The following ZNF623 variants were observed in gnomAD, a reference collection of about 807,000 sequenced individuals.
ZNF623 encodes zinc finger protein 623.
A neutral mutation model predicts 24.0 loss-of-function variants in ZNF623; 16 were observed. The observed-to-expected ratio is 0.67, with a 90% CI of 0.45 to 1.01. The LOEUF (loss-of-function observed/expected upper bound fraction) is 1.01. ZNF623 is among the 50% of genes least tolerant of loss of function. The pLI is 0.00. For missense variants in ZNF623, 566 were observed against 606.5 expected (o/e 0.93, Z 0.70); for synonymous variants, 224 against 219.8 (o/e 1.02, Z -0.17).
In ZNF623 at chr8:143,651,249, T is replaced by C. The variant is rs528122005; in HGVS notation, c.1257T>C (p.Tyr419=). 1.9e-5 allele frequency: 30 copies of C among 1,614,220 alleles called. No homozygotes were observed. The South Asian group carries it at 3.3e-4, about 18-fold the overall frequency. ...HQIIHTGEKP[Y]VCSYCGKGFI... The stretch of plus-strand genomic sequence containing the variant: ...TTATTCACACTGGAGAAAAGCCCTA[T>C]GTGTGCAGTTATTGTGGGAAAGGCT... The change falls in exon 2 of 2, where the codon TAT becomes TAC. Residue 419 remains tyrosine (Y), a synonymous_variant. Transcript: ENST00000526926.
intron 1 of ZNF623, among the ~76,000 whole-genome samples, chr8:143,645,422 A>C (rs1587328980): frequency 9.8e-6 from 1 of 101,704 alleles, no homozygotes; most frequent in African/African-American, 2.8e-5. Context: ...ACAGATCGAG[A>C]CTCCATCTCA....
chr8:143,638,849 A>T (rs909047989), intron 1 of ZNF623, among the ~76,000 whole-genome samples: 6 of 152,184 alleles, frequency 3.9e-5, no homozygotes, highest in African/African-American at 1.2e-4. Flanking sequence ...GAAGGTATCA[A>T]CTGAGTTCCA....
chr8:143,640,111 A>G (rs930089049), intron 1 of ZNF623, among the ~76,000 whole-genome samples: 4 of 152,248 alleles, frequency 2.6e-5, no homozygotes, highest in Admixed American at 6.5e-5. Context: ...ACTGCAATAA[A>G]GTGAATAGCA....
In ZNF623 at chr8:143,649,906, G is replaced by A. The variant is rs1815255597; in HGVS notation, c.-87G>A. 2 of 1,608,032 alleles carry A rather than the reference G, an allele frequency of 1.2e-6. No individual in the cohort carries two copies. The highest frequency in any genetic ancestry group is 3.4e-5 in the Admixed American group (2 of 59,370). On this transcript the variant is annotated 5_prime_UTR_variant, in exon 2 of 2. An upstream start codon of the reference 5' UTR is lost. Transcript: ENST00000526926. ...GTTGTCTTTTGTTTCAGATTCTAAT[G>A]TAGGAACTGGTGAGAAGAAGGTGAC...
chr8:143,636,883 C>T (rs1052810477), intron 1 of ZNF623, among the ~76,000 whole-genome samples: 12 of 152,220 alleles, frequency 7.9e-5, no homozygotes, highest in Non-Finnish European at 1.2e-4. Context: ...CAGGCTACGT[C>T]ATGGTCCAGG....
intron 1 of ZNF623, among the ~76,000 whole-genome samples, chr8:143,639,798 C>G (rs1815010069): frequency 6.6e-6 from 1 of 152,206 alleles, no homozygotes; most frequent in African/African-American, 2.4e-5. Context: ...CTTATTCTCT[C>G]TTAAAGGTAG....
At chr8:143,636,479 T>TG (rs1814925332) in intron 1 of ZNF623, 1 of 152,552 alleles carries the variant, frequency 6.6e-6, no homozygotes, top group Non-Finnish European at 1.5e-5. Context: ...GCCGCGGGCT[T>TG]GAGTGTCCGT....
Position 143,649,889 on chromosome 8 carries a change from T to C in ZNF623, c.-95-9T>C. ...AGGGGAAAGATGATTTTGTTGTCTT[T>C]TGTTTCAGATTCTAATGTAGGAACT... On this transcript the variant is annotated splice_polypyrimidine_tract_variant and intron_variant, in intron 1 of 1. Coordinates refer to ENST00000526926, the MANE Select transcript of ZNF623 (RefSeq NM_001261843.2). 1 of 1,601,164 alleles carries C rather than the reference T, an allele frequency of 6.2e-7. No individual in the cohort carries two copies. The highest frequency in any genetic ancestry group is 8.5e-7 in the Non-Finnish European group (1 of 1,170,434).
intron 1 of ZNF623, among the ~76,000 whole-genome samples, chr8:143,642,653 A>C (rs1387197610): frequency 6.6e-6 from 1 of 152,164 alleles, no homozygotes; most frequent in Non-Finnish European, 1.5e-5. Flanking sequence ...TAAGGTTACT[A>C]ATTAGCCTAA....
At chr8:143,646,204 G>A (rs1309647978) in intron 1 of ZNF623, among the ~76,000 whole-genome samples, 4 of 152,010 alleles carry the variant, frequency 2.6e-5, no homozygotes, top group Admixed American at 2.6e-4. Context: ...ATCACACCCA[G>A]CTAAATAAAA....
intron 1 of ZNF623, among the ~76,000 whole-genome samples, chr8:143,640,913 C>G (rs1354269428): frequency 7.4e-6 from 1 of 135,032 alleles, no homozygotes; most frequent in African/African-American, 2.8e-5. Flanking sequence ...TCCACTCTGC[C>G]TGGGGAACGA....
intron 1 of ZNF623, among the ~76,000 whole-genome samples, chr8:143,647,510 G>A (rs1327824732): frequency 2.0e-5 from 3 of 152,192 alleles, no homozygotes; most frequent in Non-Finnish European, 4.4e-5. Flanking sequence ...ATCAGGTGAC[G>A]TCAACACAGA....
At chr8:143,646,673 G>A (rs192030546) in intron 1 of ZNF623, among the ~76,000 whole-genome samples, 187 of 151,492 alleles carry the variant, frequency 1.2e-3, no homozygotes, top group Admixed American at 2.0e-3. Context: ...AGTGTTTTTT[G>A]TTGTTGTTTG....
chr8:143,641,296 AT>A (rs1218694645), intron 1 of ZNF623, among the ~76,000 whole-genome samples: 1 of 152,242 alleles, frequency 6.6e-6, no homozygotes, highest in African/African-American at 2.4e-5. Context: ...CTTGTGAAAC[AT>A]ATTTCTTAAT....
chr8:143,643,333 C>T (rs1815101221), intron 1 of ZNF623, among the ~76,000 whole-genome samples: 1 of 152,212 alleles, frequency 6.6e-6, no homozygotes, highest in Non-Finnish European at 1.5e-5. Flanking sequence ...TCCCAGCTGG[C>T]CTGGCCTGGA....
At chr8:143,642,374 T>C (rs1815075589) in intron 1 of ZNF623, among the ~76,000 whole-genome samples, 1 of 152,202 alleles carries the variant, frequency 6.6e-6, no homozygotes, top group East Asian at 1.9e-4. Context: ...CGGGCAAAGT[T>C]GTTGTTTTAA....
intron 1 of ZNF623, among the ~76,000 whole-genome samples, chr8:143,640,837 A>G (rs1351418491): frequency 6.7e-6 from 1 of 148,704 alleles, no homozygotes; most frequent in Non-Finnish European, 1.5e-5. Context: ...GCTACTCAGG[A>G]GGCTGAGGCA....
chr8:143,649,862 T>G (rs1036352452), intron 1 of ZNF623, 36 bp from the exon 2 acceptor site: 12 of 1,588,896 alleles, frequency 7.6e-6, no homozygotes, highest in Non-Finnish European at 1.0e-5. Context: ...ATCTGTTAAG[T>G]AAGGGGAAAG....
At chr8:143,646,746 T>C (rs1265786807) in intron 1 of ZNF623, among the ~76,000 whole-genome samples, 6 of 151,716 alleles carry the variant, frequency 4.0e-5, no homozygotes, top group African/African-American at 1.5e-4. Flanking sequence ...CTCACTGCAG[T>C]CTCAACTTCC....
Sources: allele counts gnomAD v4.1 joint callset (sites outside exome capture counted in the v4.1 genomes callset), GRCh38; gene constraint gnomAD v4.1.1; transcripts MANE v1.5; gene names NCBI Gene and HGNC (gene_info 2026-07-23, HGNC 2026-07-21).